The following CNTN5 variants were observed in gnomAD, a reference collection of about 807,000 sequenced individuals.
CNTN5 encodes the protein contactin-5.
In CNTN5, 77 loss-of-function variants were observed where a neutral mutation model predicts 129.1. The ratio of observed to expected loss-of-function variants is 0.60; its 90% confidence interval spans 0.50 to 0.72. The LOEUF is 0.72. Ranked by LOEUF, CNTN5 falls within the 30% of genes least tolerant of loss-of-function variation. CNTN5 has a pLI of 0.00. For synonymous variants in CNTN5, 509 were observed against 465.6 expected, an observed-to-expected ratio of 1.09 and a Z score of -1.20; for missense variants, 1,478 against 1,328.8, an observed-to-expected ratio of 1.11 and a Z score of -1.75.
At chr11:99,808,482 G>A (rs1946336214) in intron 3 of CNTN5, among the ~76,000 whole-genome samples, 1 of 152,030 alleles carries the variant, frequency 6.6e-6, no homozygotes, top group Non-Finnish European at 1.5e-5. Flanking sequence ...TCTTTTCTTT[G>A]AAGAAATTGC....
At chr11:99,322,304 G>A (rs548726901) in intron 1 of CNTN5, among the ~76,000 whole-genome samples, 31 of 152,118 alleles carry the variant, frequency 2.0e-4, no homozygotes, top group African/African-American at 6.5e-4. Flanking sequence ...CCCAAATTTC[G>A]TCTTCTTATA....
intron 2 of CNTN5, among the ~76,000 whole-genome samples, chr11:99,489,056 T>A (rs1431312278): frequency 1.3e-5 from 2 of 152,162 alleles, no homozygotes; most frequent in African/African-American, 4.8e-5. Context: ...AAAAAAATAC[T>A]ATTTTTTTCT....
chr11:99,139,035 G>T (rs1859377929), intron 1 of CNTN5, among the ~76,000 whole-genome samples: 1 of 152,024 alleles, frequency 6.6e-6, no homozygotes, highest in South Asian at 2.1e-4. Context: ...GAGCTCAGGA[G>T]TTCAAGACCA....
chr11:99,573,643 T>C (rs1949252251), intron 3 of CNTN5, among the ~76,000 whole-genome samples: 1 of 151,998 alleles, frequency 6.6e-6, no homozygotes, highest in Non-Finnish European at 1.5e-5. Context: ...TGAATTTTTT[T>C]CTATTGAGAC....
chr11:100,284,974 T>TTTAA (rs1950737894), intron 18 of CNTN5, among the ~76,000 whole-genome samples: 1 of 152,188 alleles, frequency 6.6e-6, no homozygotes, highest in Non-Finnish European at 1.5e-5. Flanking sequence ...GCAGGAAGTA[T>TTTAA]GTCATTTAAG....
At chr11:100,049,866 A>G (rs908380300) in intron 9 of CNTN5, among the ~76,000 whole-genome samples, 1 of 152,192 alleles carries the variant, frequency 6.6e-6, no homozygotes. Flanking sequence ...CAAAAAACAC[A>G]TGAAAAAATG....
chr11:99,928,563 C>T (rs555795478), intron 7 of CNTN5, among the ~76,000 whole-genome samples: 9 of 152,298 alleles, frequency 5.9e-5, no homozygotes, highest in African/African-American at 1.7e-4. Flanking sequence ...GGGCTTGCAC[C>T]CTCCGAAGCC....
intron 2 of CNTN5, among the ~76,000 whole-genome samples, chr11:99,440,479 C>A (rs7948748): frequency 6.6e-6 from 1 of 151,838 alleles, no homozygotes; most frequent in Admixed American, 6.6e-5. Context: ...AAATAGTCAA[C>A]TTAGGTTGTC....
At chr11:99,467,738 T>C (rs1211488966) in intron 2 of CNTN5, among the ~76,000 whole-genome samples, 1 of 152,194 alleles carries the variant, frequency 6.6e-6, no homozygotes, top group African/African-American at 2.4e-5. Context: ...TTAATTATTT[T>C]CTCAATAGTC....
chr11:99,290,912 CTA>C (rs751085551), intron 1 of CNTN5, among the ~76,000 whole-genome samples: 10 of 151,784 alleles, frequency 6.6e-5, no homozygotes, highest in Non-Finnish European at 1.3e-4. Context: ...TTATATGACA[CTA>C]TTGTTATAGC....
At chr11:99,704,150 C>T (rs1954653330) in intron 3 of CNTN5, among the ~76,000 whole-genome samples, 1 of 150,486 alleles carries the variant, frequency 6.6e-6, no homozygotes, top group African/African-American at 2.4e-5. Context: ...AGTGACTGAC[C>T]CCATTCATAA....
At chr11:99,416,097 G>C (rs996411378) in intron 2 of CNTN5, among the ~76,000 whole-genome samples, 2 of 152,128 alleles carry the variant, frequency 1.3e-5, no homozygotes, top group Non-Finnish European at 2.9e-5. Context: ...GCAGCTTGGA[G>C]TTAGCCTTGG....
chr11:99,114,704 C>T (rs976375398), intron 1 of CNTN5, among the ~76,000 whole-genome samples: 1 of 152,068 alleles, frequency 6.6e-6, no homozygotes, highest in East Asian at 1.9e-4. Context: ...CTTGCTTGAT[C>T]GGTAATTAGA....
chr11:99,080,988 T>TTTTG (rs1312006836), intron 1 of CNTN5, among the ~76,000 whole-genome samples: 3 of 151,294 alleles, frequency 2.0e-5, no homozygotes, highest in Admixed American at 6.6e-5. Context: ...CAGTTTTTTT[T>TTTTG]TTTTTTTTTT....
intron 7 of CNTN5, among the ~76,000 whole-genome samples, chr11:99,945,035 GAAGC>G (rs2136125561): frequency 6.6e-6 from 1 of 152,186 alleles, no homozygotes; most frequent in Admixed American, 6.6e-5. Context: ...AATGTAAAAT[GAAGC>G]ATTGATGATA....
At chr11:100,057,277 G>A (rs1000157923) in intron 9 of CNTN5, among the ~76,000 whole-genome samples, 2 of 147,744 alleles carry the variant, frequency 1.4e-5, no homozygotes, top group Admixed American at 6.8e-5. Flanking sequence ...AAGTATAAGA[G>A]GAATTAGTAA....
chr11:99,796,221 G>A (rs1945933002), intron 3 of CNTN5, among the ~76,000 whole-genome samples: 1 of 152,134 alleles, frequency 6.6e-6, no homozygotes, highest in African/African-American at 2.4e-5. Flanking sequence ...GCAGGGTTGG[G>A]GACAGGTCTG....
Position 100,299,145 on chromosome 11 carries a change from A to G in CNTN5, c.2386-17A>G, listed in dbSNP as rs773076206. 6.8e-7 allele frequency: 1 copy of G among 1,466,178 alleles called. No individual in the cohort carries two copies. Among genetic ancestry groups the G allele is most frequent in the South Asian group, 1.3e-5 (1 of 78,352 alleles). 90.8% of individuals were successfully genotyped at this position (1,466,178 alleles called of 1,614,324 possible). On this transcript the variant is annotated splice_polypyrimidine_tract_variant and intron_variant, in intron 19 of 24. Transcript: ENST00000524871. Reference sequence around the variant, plus strand: ...TCAATCATTTTGCTGATAATTAATTATATTTTTCTTCTTTAGCCAGTATCT... The same window carrying G: ...TCAATCATTTTGCTGATAATTAATTGTATTTTTCTTCTTTAGCCAGTATCT...
chr11:100,051,804 G>T (rs1362848735), intron 9 of CNTN5, among the ~76,000 whole-genome samples: 1 of 151,772 alleles, frequency 6.6e-6, no homozygotes, highest in African/African-American at 2.4e-5. Context: ...GTACAGGAAG[G>T]CAATGTTAAC....
Sources: gnomAD v4.1 joint callset for allele counts (sites outside exome capture counted in the v4.1 genomes callset) on GRCh38, gnomAD v4.1.1 for gene constraint, MANE v1.5 for transcripts, NCBI Gene and HGNC (gene_info 2026-07-23, HGNC 2026-07-21) for gene names.